The following PTPRG variants were observed in gnomAD, a reference collection of about 807,000 sequenced individuals.
PTPRG encodes the protein protein tyrosine phosphatase receptor type G.
In PTPRG, 102 loss-of-function variants were observed where a neutral mutation model predicts 165.3. The ratio of observed to expected loss-of-function variants is 0.62; its 90% CI spans 0.53 to 0.73. PTPRG has a LOEUF of 0.73. Ranked by LOEUF, PTPRG falls within the 30% of genes least tolerant of loss-of-function variation. The pLI is 0.00. For synonymous variants in PTPRG, 675 were observed against 669.5 expected (o/e 1.01, Z -0.13); for missense variants, 1,866 against 1,861.4 (o/e 1.00, Z -0.05).
chr3:62,244,983 A>C (rs1187913399), intron 15 of PTPRG, among the ~76,000 whole-genome samples: 1 of 152,132 alleles, frequency 6.6e-6, no homozygotes, highest in Non-Finnish European at 1.5e-5. Context: ...ATGGTTGTGG[A>C]CTGAATTGCC....
rs542306888 is a variant in PTPRG at position 62,069,684 on chromosome 3, T to TCTCTCTCACATACA, written c.520-8478_520-8477insTCTCTCACATACAC. On this transcript the variant is annotated intron_variant, in intron 4 of 29. Transcript: ENST00000474889. ...CTCTCTCTCTCTCTCTCTCTCTCTC[T>TCTCTCTCACATACA]CACACACAGACACACGCACACACAC... 2.8e-5 allele frequency among the ~76,000 whole-genome samples: 4 copies of TCTCTCTCACATACA among 145,070 alleles called. No individual in the cohort carries two copies. The East Asian group carries it at 8.8e-4, about 32-fold the overall frequency.
intron 2 of PTPRG, among the ~76,000 whole-genome samples, chr3:61,919,575 T>C (rs531088014): frequency 6.6e-6 from 1 of 152,290 alleles, no homozygotes; most frequent in East Asian, 1.9e-4. Context: ...TAGGGGTCAC[T>C]GGTCCATTTG....
At chr3:61,631,246 G>C (rs1701768164) in intron 1 of PTPRG, among the ~76,000 whole-genome samples, 1 of 152,050 alleles carries the variant, frequency 6.6e-6, no homozygotes. Context: ...TGCCAGGTGT[G>C]ACAATTTCTA....
At chr3:62,198,904 A>T (rs2106827632) in intron 10 of PTPRG, among the ~76,000 whole-genome samples, 1 of 152,294 alleles carries the variant, frequency 6.6e-6, no homozygotes, top group African/African-American at 2.4e-5. Flanking sequence ...GAGCTTAGAA[A>T]AACCCCATTA....
chr3:62,143,915 G>T (rs982502471), intron 6 of PTPRG, among the ~76,000 whole-genome samples: 1 of 152,126 alleles, frequency 6.6e-6, no homozygotes, highest in African/African-American at 2.4e-5. Flanking sequence ...GAGTATCATC[G>T]CTAAATGCAT....
In PTPRG at chr3:62,233,296, AC is replaced by A. The variant is rs1277152627; in HGVS notation, c.2375+1986del. On this transcript the variant is annotated intron_variant, in intron 14 of 29. Coordinates refer to ENST00000474889, the MANE Select transcript of PTPRG (RefSeq NM_002841.4). The surrounding 1 kb of genome is among the most constrained non-coding windows in gnomAD (Gnocchi z 4.7). ...AAGGGGCGCCATGTCTGTGCTTCTT[AC>A]GCTAGCCGCCCTGCTGTAATGTACA... is the stretch of plus-strand genomic sequence containing the variant. 6.6e-6 allele frequency among the ~76,000 whole-genome samples: 1 copy of A among 152,144 alleles called. No homozygotes were observed. The highest frequency in any genetic ancestry group is 1.5e-5 in the Non-Finnish European group (1 of 68,024).
chr3:62,194,375 T>C (rs936517688), intron 9 of PTPRG, among the ~76,000 whole-genome samples: 9 of 152,208 alleles, frequency 5.9e-5, no homozygotes, highest in Middle Eastern at 3.2e-3. Context: ...TTACAGAAGA[T>C]AGCAGAGGCT....
chr3:61,787,966 GACAA>G (rs2034759784), intron 2 of PTPRG, among the ~76,000 whole-genome samples: 1 of 152,056 alleles, frequency 6.6e-6, no homozygotes, highest in South Asian at 2.1e-4. Flanking sequence ...CGCTATCTCA[GACAA>G]ACTTGTGAGT....
intron 2 of PTPRG, among the ~76,000 whole-genome samples, chr3:61,968,540 T>A (rs1288038361): frequency 6.6e-6 from 1 of 152,238 alleles, no homozygotes; most frequent in Non-Finnish European, 1.5e-5. Context: ...TTCCCCAAAA[T>A]ATTTGTGGTA....
At chr3:61,884,764 G>C (rs548118617) in intron 2 of PTPRG, among the ~76,000 whole-genome samples, 1 of 152,074 alleles carries the variant, frequency 6.6e-6, no homozygotes, top group Non-Finnish European at 1.5e-5. Context: ...CAAGGGCCTC[G>C]TCTCTTCTTG....
At chr3:62,281,221 T>C (rs554581598) in intron 26 of PTPRG, among the ~76,000 whole-genome samples, 20 of 152,170 alleles carry the variant, frequency 1.3e-4, no homozygotes, top group African/African-American at 4.6e-4. Context: ...GCTTAAGCAA[T>C]TGTGAAATAA....
chr3:61,589,752 G>A (rs1216119784), intron 1 of PTPRG, among the ~76,000 whole-genome samples: 2 of 150,730 alleles, frequency 1.3e-5, no homozygotes, highest in Non-Finnish European at 2.9e-5. Context: ...AGAGTTGTCG[G>A]GTGGATGGAT....
chr3:62,141,825 C>G (rs1703942304), intron 6 of PTPRG, among the ~76,000 whole-genome samples: 1 of 151,554 alleles, frequency 6.6e-6, no homozygotes, highest in Non-Finnish European at 1.5e-5. Flanking sequence ...ATGAGAATCA[C>G]TTGAACCCAG....
chr3:61,730,693 C>T (rs2032457338), intron 1 of PTPRG, among the ~76,000 whole-genome samples: 1 of 152,114 alleles, frequency 6.6e-6, no homozygotes, highest in South Asian at 2.1e-4. Flanking sequence ...GAGAGGTAGG[C>T]ATGAAGTTAG....
chr3:61,719,201 T>C (rs1006250419), intron 1 of PTPRG, among the ~76,000 whole-genome samples: 1 of 152,234 alleles, frequency 6.6e-6, no homozygotes, highest in African/African-American at 2.4e-5. Flanking sequence ...CAATTGGATA[T>C]GAATTGTAGA....
Position 62,235,183 on chromosome 3 carries a change from T to C in PTPRG, c.2375+3872T>C, listed in dbSNP as rs369478000. Among the ~76,000 whole-genome samples the C allele has an allele frequency of 2.9e-3, 445 of 152,270 alleles. 3 individuals carry two copies. The highest frequency in any genetic ancestry group is 0.01 in the African/African-American group (421 of 41,534). The stretch of plus-strand genomic sequence containing the variant: ...TTTCTTACCTCCTCCCCAAAATGAG[T>C]TGGACTATCACATCACTGTTAACCT... On this transcript the variant is annotated intron_variant, in intron 14 of 29. Coordinates refer to ENST00000474889, the MANE Select transcript of PTPRG (RefSeq NM_002841.4).
At chr3:61,731,349 CTT>C (rs543374959) in intron 1 of PTPRG, among the ~76,000 whole-genome samples, 73 of 132,130 alleles carry the variant, frequency 5.5e-4, no homozygotes, top group African/African-American at 1.3e-3. Flanking sequence ...TTCCTTTTTC[CTT>C]TTTTTTTTTT....
intron 2 of PTPRG, among the ~76,000 whole-genome samples, chr3:61,805,381 C>T: frequency 6.6e-6 from 1 of 152,066 alleles, no homozygotes; most frequent in East Asian, 1.9e-4. Context: ...GTTTTCTAGG[C>T]TTAAACAGTG....
At chr3:61,647,916 T>C (rs1208033303) in intron 1 of PTPRG, among the ~76,000 whole-genome samples, 1 of 151,998 alleles carries the variant, frequency 6.6e-6, no homozygotes. Context: ...CGAAGTGTCC[T>C]GATTGTGATT....
Sources: gnomAD v4.1 joint callset for allele counts (sites outside exome capture counted in the v4.1 genomes callset) on GRCh38, gnomAD v4.1.1 for gene constraint, Gnocchi (gnomAD v3.1) non-coding constraint, MANE v1.5 for transcripts, NCBI Gene and HGNC (gene_info 2026-07-23, HGNC 2026-07-21) for gene names.